The following SLC26A6 variants were observed in gnomAD, a reference collection of about 807,000 sequenced individuals.
SLC26A6 encodes anion exchange transporter.
In SLC26A6, 67 loss-of-function variants were observed where a neutral mutation model predicts 87.1. That is an observed-to-expected ratio of 0.77 (90% CI 0.63 to 0.94). SLC26A6 has a LOEUF of 0.94. SLC26A6 is among the 40% of genes least tolerant of loss of function. SLC26A6 has a pLI of 0.00. For synonymous variants in SLC26A6, 414 were observed against 405.9 expected (o/e 1.02, Z -0.24); for missense variants, 902 against 973.0 (o/e 0.93, Z 0.97).
Position 48,628,226 on chromosome 3 carries a change from C to T in SLC26A6, c.1801-188G>A, listed in dbSNP as rs994919035. On this transcript the variant is annotated intron_variant, in intron 16 of 20. Transcript: ENST00000395550. The surrounding 1 kb of genome is among the most constrained non-coding windows in gnomAD (Gnocchi z 4.4). ...GAAAGGGAAGAGGACTGTGACGGTT[C>T]TCACTGTCACTGGTTCAGATGATGG... The T allele has an allele frequency of 1.3e-6, 1 of 762,796 alleles. No homozygotes were observed. Among genetic ancestry groups the T allele is most frequent in the Non-Finnish European group, 2.1e-6 (1 of 478,106 alleles). 47.3% of individuals were successfully genotyped at this position (762,796 alleles called of 1,614,324 possible).
At position 48,632,963 on chromosome 3, in the gene SLC26A6, C is replaced by G; in HGVS notation, c.433+11G>C. The G allele has an allele frequency of 6.2e-7, 1 of 1,610,484 alleles. No individual in the cohort carries two copies. The highest frequency in any genetic ancestry group is 8.5e-7 in the Non-Finnish European group (1 of 1,177,968). ...GCATCCTCCTGGAAGGCTAGGCCTGCCTCCACTTACCCACGGAGATGTGCC... is the reference window on the plus strand; with the variant it reads ...GCATCCTCCTGGAAGGCTAGGCCTGGCTCCACTTACCCACGGAGATGTGCC... On this transcript the variant is annotated intron_variant, in intron 4 of 20. Transcript: ENST00000395550.
At chr3:48,629,744 G>C (rs770716474) in intron 13 of SLC26A6, 33 bp from the exon 14 acceptor site, 8 of 1,610,746 alleles carry the variant, frequency 5.0e-6, no homozygotes, top group African/African-American at 1.3e-5. Context: ...ACGAAGAGGG[G>C]GCAGAAAAAG....
intron 4 of SLC26A6, 186 bp from the exon 5 acceptor site, chr3:48,632,582 A>G: frequency 3.8e-6 from 3 of 792,440 alleles, no homozygotes; most frequent in Admixed American, 2.0e-5. Context: ...CTGAGCTCAC[A>G]GGCCCTTAAG....
intron 4 of SLC26A6, chr3:48,632,762 T>G: frequency 1.5e-6 from 1 of 678,680 alleles, no homozygotes; most frequent in Non-Finnish European, 2.6e-6. Flanking sequence ...ACTCTCATCT[T>G]CCTGGAGCCA....
In SLC26A6 at chr3:48,630,972, C is replaced by T. The variant is rs2046771510; in HGVS notation, c.1134+21G>A. On this transcript the variant is annotated intron_variant, in intron 9 of 20. Transcript: ENST00000395550. The stretch of plus-strand genomic sequence containing the variant: ...CCTCCATACACTTGGATGCCTCCTA[C>T]ACATCCCGCATCACCCAGACCTGGT... 4 of 1,613,026 alleles carry T rather than the reference C, an allele frequency of 2.5e-6. No homozygotes were observed. In the Admixed American group the frequency reaches 6.7e-5, roughly 27 times the overall value.
chr3:48,628,092 C>G lies in SLC26A6; in HGVS notation c.1801-54G>C. On this transcript the variant is annotated intron_variant, in intron 16 of 20. Coordinates refer to ENST00000395550, the MANE Select transcript of SLC26A6 (RefSeq NM_022911.3). This position sits in a 1 kb window ranked among gnomAD's most constrained non-coding sequence, Gnocchi z 4.4. ...ACAGCTAGCCCGGCTGCCATGACAG[C>G]CATGTCACATAGGCCTGGTGATGCC... is the stretch of plus-strand genomic sequence containing the variant. 1 of 1,480,852 alleles carries G rather than the reference C, an allele frequency of 6.8e-7. No individual in the cohort carries two copies. Among genetic ancestry groups the G allele is most frequent in the Non-Finnish European group, 9.1e-7 (1 of 1,099,494 alleles). The allele number at this position is 1,480,852 out of a possible 1,614,324, so 91.7% of individuals were successfully genotyped here.
At position 48,628,839 on chromosome 3, in the gene SLC26A6, G is replaced by T; in HGVS notation, c.1600-125C>A. ...CGCCCAGCCCTCTGCTCCCCAGGCT[G>T]CAGTCCAGGCCCTCCCAGGGGCTTA... On this transcript the variant is annotated intron_variant, in intron 14 of 20. Transcript: ENST00000395550. The surrounding 1 kb of genome is among the most constrained non-coding windows in gnomAD (Gnocchi z 4.4). The T allele has an allele frequency of 8.9e-7, 1 of 1,122,730 alleles. No individual in the cohort carries two copies. Among genetic ancestry groups the T allele is most frequent in the South Asian group, 1.4e-5 (1 of 70,190 alleles). 69.5% of individuals were successfully genotyped at this position (1,122,730 alleles called of 1,614,324 possible). A position where few individuals can be genotyped will look rare whatever the true frequency, so the allele number is the denominator to read the frequency against.
At position 48,625,830 on chromosome 3, in the gene SLC26A6, C is replaced by T. The variant is rs760433858; in HGVS notation, c.*156G>A. On this transcript the variant is annotated 3_prime_UTR_variant, in exon 21 of 21. Transcript: ENST00000395550. The surrounding 1 kb of genome is among the most constrained non-coding windows in gnomAD (Gnocchi z 4.7). ...TGCAGGCCCTGTCCCAGACCTGGAG[C>T]GCTGAACTTGGAGTCCCAGGACCTC... is the stretch of plus-strand genomic sequence containing the variant. 19 of 896,310 alleles carry T rather than the reference C, an allele frequency of 2.1e-5. No homozygotes were observed. Among genetic ancestry groups the T allele is most frequent in the African/African-American group, 9.8e-5 (6 of 61,002 alleles). 55.5% of individuals were successfully genotyped at this position (896,310 alleles called of 1,614,324 possible).
Position 48,628,917 on chromosome 3 carries a change from C to G in SLC26A6, c.1600-203G>C, listed in dbSNP as rs2046702562. ...ATCCCCCCACAGTGCCTCTCCCTCCCCACCTCTCCTGCCACCACCCAGGCA... is the reference window on the plus strand; with the variant it reads ...ATCCCCCCACAGTGCCTCTCCCTCCGCACCTCTCCTGCCACCACCCAGGCA... On this transcript the variant is annotated intron_variant, in intron 14 of 20. Transcript: ENST00000395550. This position sits in a 1 kb window ranked among gnomAD's most constrained non-coding sequence, Gnocchi z 4.4. Among the ~76,000 whole-genome samples, 1 of 152,152 alleles carries G rather than the reference C, an allele frequency of 6.6e-6. No individual in the cohort carries two copies. Among genetic ancestry groups the G allele is most frequent in the African/African-American group, 2.4e-5 (1 of 41,432 alleles).
intron 4 of SLC26A6, chr3:48,632,619 C>T: frequency 1.4e-6 from 1 of 716,562 alleles, no homozygotes; most frequent in Non-Finnish European, 2.5e-6. Context: ...GGCCCTGTCT[C>T]ATCTACCCTG....
chr3:48,632,653 G>T, intron 4 of SLC26A6: 1 of 693,004 alleles, frequency 1.4e-6, no homozygotes, highest in Non-Finnish European at 2.6e-6. Context: ...TACTGGTCCC[G>T]GGACACAGAG....
chr3:48,632,790 G>A, intron 4 of SLC26A6, 184 bp downstream of exon 4: 1 of 695,260 alleles, frequency 1.4e-6, no homozygotes, highest in Non-Finnish European at 2.5e-6. Context: ...GAGGTCACCT[G>A]CCTCTGTGGT....
intron 1 of SLC26A6, chr3:48,634,821 A>C (rs2046908595): frequency 1.3e-3 from 1,189 of 886,960 alleles, no homozygotes; most frequent in Non-Finnish European, 1.5e-3. Flanking sequence ...CCGCTATCTC[A>C]AGGAGATCGT....
At chr3:48,626,033 G>T (rs1313083102) in intron 20 of SLC26A6, 33 bp from the exon 21 acceptor site, 8 of 1,613,536 alleles carry the variant, frequency 5.0e-6, no homozygotes, top group Admixed American at 3.3e-5. Flanking sequence ...GCTCTAGTCA[G>T]TTTCCAAAGG....
chr3:48,630,595 C>A lies in SLC26A6; in HGVS notation c.1248+12G>T. The A allele has an allele frequency of 6.4e-7, 1 of 1,569,006 alleles. No individual in the cohort carries two copies. On this transcript the variant is annotated intron_variant, in intron 10 of 20. Coordinates refer to ENST00000395550, the MANE Select transcript of SLC26A6 (RefSeq NM_022911.3). ...GTGCATGCCCACACCCATGCCCACACCCAAAGCCCACCTGCGAGTTGCCCC... is the reference window on the plus strand; with the variant it reads ...GTGCATGCCCACACCCATGCCCACAACCAAAGCCCACCTGCGAGTTGCCCC...
In SLC26A6 at chr3:48,626,692, C is replaced by T. The variant is rs745796558; in HGVS notation, c.2074-7G>A. 9.9e-6 allele frequency: 16 copies of T among 1,613,762 alleles called. No individual in the cohort carries two copies. The highest frequency in any genetic ancestry group is 6.7e-5 in the African/African-American group (5 of 74,836). On this transcript the variant is annotated splice_polypyrimidine_tract_variant and splice_region_variant and intron_variant, in intron 18 of 20. Transcript: ENST00000395550. ...CCCGGAAGTCATGGAAAATCTGTAG[C>T]GGAAAAGGGGGCCAGCCTCAGAGGG...
intron 1 of SLC26A6, 76 bp from the exon 2 acceptor site, chr3:48,633,711 G>C (rs781632483): frequency 1.6e-5 from 25 of 1,565,076 alleles, no homozygotes; most frequent in Non-Finnish European, 2.2e-5. Context: ...CCTAGGACCA[G>C]AGAGTTACCT....
Position 48,630,127 on chromosome 3 carries a change from G to C in SLC26A6, c.1357C>G (p.Leu453Val), listed in dbSNP as rs766383255. Residue 453 changes from leucine (L) to valine (V), a missense_variant, in exon 12 of 21, where the codon CTG becomes GTG. Leu to Val is a conservative substitution (Grantham distance 32). Coordinates refer to ENST00000395550, the MANE Select transcript of SLC26A6 (RefSeq NM_022911.3). ...CTGAGCTGCCTCAGCATGCCCTTCA[G>C]GTTCACAATGATGATGGCTGCCAGG... ...AVLAAIIIVN[L>V]KGMLRQLSDM... 9.9e-6 allele frequency: 16 copies of C among 1,610,068 alleles called. No homozygotes were observed. Among genetic ancestry groups the C allele is most frequent in the Non-Finnish European group, 1.3e-5 (15 of 1,177,132 alleles).
At chr3:48,627,841 C>T in intron 17 of SLC26A6, 105 bp downstream of exon 17, 1 of 1,095,288 alleles carries the variant, frequency 9.1e-7, no homozygotes, top group Admixed American at 2.8e-5. Context: ...GGCGCAACAC[C>T]CTCGAGCCCA....
Sources: allele counts gnomAD v4.1 joint callset (sites outside exome capture counted in the v4.1 genomes callset), GRCh38; gene constraint gnomAD v4.1.1; non-coding constraint Gnocchi (gnomAD v3.1); transcripts MANE v1.5; gene names NCBI Gene and HGNC (gene_info 2026-07-23, HGNC 2026-07-21).